Variants in C12orf54 observed in about 807,000 individuals in gnomAD.
C12orf54 encodes the protein chromosome 12 open reading frame 54.
C12orf54 carries 24 observed loss-of-function variants against 26.4 expected under a neutral mutation model. That is an observed-to-expected ratio of 0.91 (90% CI 0.66 to 1.28). C12orf54 has a LOEUF of 1.28. C12orf54 is among the 50% of genes most tolerant of loss of function. C12orf54 has a pLI of 0.00. For missense variants in C12orf54, 154 were observed against 150.9 expected (o/e 1.02, Z -0.11); for synonymous variants, 54 against 47.0 (o/e 1.15, Z -0.61).
chr12:48,426,471 G>A, the C12orf54 span, among the ~76,000 whole-genome samples: 3 of 152,096 alleles, frequency 2.0e-5, no homozygotes, highest in Admixed American at 2.0e-4. Context: ...GTACCATGTT[G>A]TATTGGTTAC....
chr12:48,487,952 A>T (rs993745035), intron 4 of C12orf54: 1 of 701,168 alleles, frequency 1.4e-6, no homozygotes, highest in African/African-American at 1.7e-5. Flanking sequence ...TGAGATGTTG[A>T]TACCTAAGAA....
the C12orf54 span, among the ~76,000 whole-genome samples, chr12:48,474,013 A>T: frequency 6.6e-6 from 1 of 152,180 alleles, no homozygotes; most frequent in Non-Finnish European, 1.5e-5. Context: ...GAGGACTCAG[A>T]TGTTACTCTT....
the C12orf54 span, chr12:48,473,409 G>A: frequency 1.3e-6 from 1 of 764,716 alleles, no homozygotes; most frequent in Non-Finnish European, 2.2e-6. Flanking sequence ...AGAAGACGAT[G>A]CCTAAGTGGA....
chr12:48,428,074 T>A, the C12orf54 span, among the ~76,000 whole-genome samples: 1 of 152,022 alleles, frequency 6.6e-6, no homozygotes, highest in Non-Finnish European at 1.5e-5. Context: ...GAGTGATCAT[T>A]GGGTCAAAAA....
At chr12:48,450,924 C>A in the C12orf54 span, among the ~76,000 whole-genome samples, 2 of 152,002 alleles carry the variant, frequency 1.3e-5, no homozygotes, top group African/African-American at 4.8e-5. Flanking sequence ...ACCATTCCCA[C>A]TAAAACTATT....
Position 48,494,844 on chromosome 12 carries a change from T to C in C12orf54, c.289T>C (p.Leu97=), listed in dbSNP as rs759729853. Residue 97 remains leucine (L), a synonymous_variant, in exon 8 of 9, where the codon TTG becomes CTG. Transcript: ENST00000548364. ...CTTGATGACCCCAAAGTTGAGAAGATTGCAGTTCAGCTCTGGAGAGCAGCC... is the reference window on the plus strand; with the variant it reads ...CTTGATGACCCCAAAGTTGAGAAGACTGCAGTTCAGCTCTGGAGAGCAGCC... ...DSLMTPKLRR[L]QFSSGEQPSG... is the part of the protein sequence containing the mutation. 1.3e-5 allele frequency: 21 copies of C among 1,613,708 alleles called. No individual in the cohort carries two copies. Among genetic ancestry groups the C allele is most frequent in the East Asian group, 2.2e-5 (1 of 44,904 alleles).
chr12:48,436,175 A>G, the C12orf54 span, among the ~76,000 whole-genome samples: 1 of 152,230 alleles, frequency 6.6e-6, no homozygotes, highest in Non-Finnish European at 1.5e-5. Flanking sequence ...CCATTACATA[A>G]TGGTAAAGGG....
At chr12:48,414,183 G>C in the C12orf54 span, among the ~76,000 whole-genome samples, 2 of 152,330 alleles carry the variant, frequency 1.3e-5, no homozygotes, top group South Asian at 2.1e-4. Flanking sequence ...TTCTGAGCCA[G>C]TTCTCTGTGC....
At chr12:48,421,490 T>A in the C12orf54 span, among the ~76,000 whole-genome samples, 4 of 139,900 alleles carry the variant, frequency 2.9e-5, no homozygotes, top group African/African-American at 7.8e-5. Context: ...GGGACACAGA[T>A]CCAAACCATC....
chr12:48,443,330 G>C, the C12orf54 span, among the ~76,000 whole-genome samples: 2 of 152,208 alleles, frequency 1.3e-5, no homozygotes, highest in Non-Finnish European at 2.9e-5. Context: ...GAGGGTGTTA[G>C]AGCTGAAGTA....
chr12:48,488,944 T>A lies in C12orf54; in HGVS notation c.156T>A (p.Asp52Glu), dbSNP rs140626422. 81 of 1,611,218 alleles carry A rather than the reference T, an allele frequency of 5.0e-5. No homozygotes were observed. In the African/African-American group the frequency reaches 1.0e-3, roughly 20 times the overall value. Residue 52 changes from aspartate (D) to glutamate (E), a missense_variant, in exon 5 of 9, where the codon GAT (aspartate) becomes GAA (glutamate). Asp to Glu is a conservative substitution (Grantham distance 45). Coordinates refer to ENST00000548364, the MANE Select transcript of C12orf54 (RefSeq NM_152319.4). ...LWDQVLTVFK[D>E]IQKELQEDAR... ...GTCAGGTGCTGACAGTTTTTAAGGA[T>A]ATACAAAAGGAGGTGAGATTAGATT...
At chr12:48,468,120 T>G in the C12orf54 span, among the ~76,000 whole-genome samples, 1 of 152,180 alleles carries the variant, frequency 6.6e-6, no homozygotes, top group Non-Finnish European at 1.5e-5. Flanking sequence ...TTACATTCCA[T>G]GAGATGAATC....
chr12:48,462,752 A>T, the C12orf54 span, among the ~76,000 whole-genome samples: 1 of 151,750 alleles, frequency 6.6e-6, no homozygotes, highest in East Asian at 1.9e-4. Context: ...GGAGATCTAT[A>T]AAAAAATCTA....
the C12orf54 span, among the ~76,000 whole-genome samples, chr12:48,435,519 G>A: frequency 5.3e-5 from 8 of 152,122 alleles, no homozygotes; most frequent in Non-Finnish European, 1.0e-4. Context: ...GAGAAAGGTC[G>A]GGTTACCCAC....
intron 2 of C12orf54, 125 bp from the exon 3 acceptor site, chr12:48,486,053 C>T (rs930963394): frequency 2.2e-6 from 2 of 916,200 alleles, no homozygotes; most frequent in Non-Finnish European, 3.4e-6. Context: ...CCGTGGCTAC[C>T]CTTCCTGGAT....
chr12:48,441,807 A>G, the C12orf54 span, among the ~76,000 whole-genome samples: 1 of 152,172 alleles, frequency 6.6e-6, no homozygotes, highest in African/African-American at 2.4e-5. Context: ...TCCCAAGAAA[A>G]TAATTTTCCA....
chr12:48,462,973 A>C, the C12orf54 span, among the ~76,000 whole-genome samples: 1 of 151,948 alleles, frequency 6.6e-6, no homozygotes, highest in African/African-American at 2.4e-5. Flanking sequence ...TTCATAGACA[A>C]CATGATCATC....
the C12orf54 span, among the ~76,000 whole-genome samples, chr12:48,419,282 C>G: frequency 1.7e-4 from 26 of 152,068 alleles, no homozygotes; most frequent in African/African-American, 5.6e-4. Flanking sequence ...GGTCATAAAG[C>G]CCTAGTTCTG....
chr12:48,484,175 A>G (rs144207538), intron 2 of C12orf54, among the ~76,000 whole-genome samples: 5 of 152,370 alleles, frequency 3.3e-5, no homozygotes, highest in African/African-American at 1.2e-4. Flanking sequence ...AGCCTGGGCA[A>G]TAAGAGCGAA....
Sources: allele counts gnomAD v4.1 joint callset (sites outside exome capture counted in the v4.1 genomes callset), GRCh38; gene constraint gnomAD v4.1.1; transcripts MANE v1.5; gene names NCBI Gene and HGNC (gene_info 2026-07-23, HGNC 2026-07-21).